CISD2: variants seen among roughly 807,000 people sequenced by gnomAD.
The protein encoded by CISD2 is CDGSH iron sulfur domain 2.
A neutral mutation model predicts 12.9 loss-of-function variants in CISD2; 1 was observed. That is an observed-to-expected ratio of 0.08 (90% CI 0.03 to 0.37). CISD2 has a LOEUF of 0.37. Ranked by LOEUF, CISD2 falls within the 10% of genes least tolerant of loss-of-function variation. CISD2 has a pLI of 0.99. For synonymous variants in CISD2, 50 were observed against 60.6 expected (o/e 0.83, Z 0.81); for missense variants, 97 against 163.1 (o/e 0.59, Z 2.21).
rs186883173 is a variant in CISD2 at position 102,878,319 on chromosome 4, C to T, written c.104-6897C>T. ...GCTAATTTTGTATTTTTAGTAGAGA[C>T]GGGGTTTCACCATGTTGGCCAGGAC... On this transcript the variant is annotated intron_variant, in intron 1 of 2. Transcript: ENST00000273986. Among the ~76,000 whole-genome samples the T allele has an allele frequency of 1.6e-4, 24 of 152,106 alleles. No individual in the cohort carries two copies. The South Asian group carries it at 3.9e-3, about 25-fold the overall frequency.
chr4:102,880,731 G>A (rs1321414256), intron 1 of CISD2, among the ~76,000 whole-genome samples: 5 of 151,708 alleles, frequency 3.3e-5, no homozygotes, highest in East Asian at 1.9e-4. Flanking sequence ...GGTGGCTCAC[G>A]CCTGTAATCC....
Position 102,873,350 on chromosome 4 carries a change from C to T in CISD2, c.103+4163C>T, listed in dbSNP as rs1417238845. ...TGGCATGATCTCTACCCACTCATTG[C>T]AGCCTTGACTTCACAAGCTCAAGCC... is the stretch of plus-strand genomic sequence containing the variant. On this transcript the variant is annotated intron_variant, in intron 1 of 2. Transcript: ENST00000273986. Among the ~76,000 whole-genome samples the T allele has an allele frequency of 2.0e-5, 3 of 152,200 alleles. No homozygotes were observed. In the East Asian group the frequency reaches 5.8e-4, roughly 29 times the overall value.
Position 102,884,959 on chromosome 4 carries a change from A to G in CISD2, c.104-257A>G, listed in dbSNP as rs1302536967. 2.1e-5 allele frequency: 9 copies of G among 435,172 alleles called. No homozygotes were observed. In the Admixed American group the frequency reaches 2.5e-4, roughly 12 times the overall value. 27.0% of individuals were successfully genotyped at this position (435,172 alleles called of 1,614,324 possible). On this transcript the variant is annotated intron_variant, in intron 1 of 2. Coordinates refer to ENST00000273986, the MANE Select transcript of CISD2 (RefSeq NM_001008388.5). ...AACACAAATAGACTTGATGTAGACA[A>G]TGAGATAGGATATTTGAAATGGAAC...
At chr4:102,870,813 C>G (rs1408551220) in intron 1 of CISD2, among the ~76,000 whole-genome samples, 5 of 151,802 alleles carry the variant, frequency 3.3e-5, no homozygotes, top group Non-Finnish European at 5.9e-5. Context: ...CAACTAAATA[C>G]TTATTTTAGT....
intron 1 of CISD2, among the ~76,000 whole-genome samples, chr4:102,875,829 G>A (rs749531677): frequency 6.6e-5 from 10 of 152,128 alleles, no homozygotes; most frequent in Non-Finnish European, 1.5e-4. Context: ...TACTTCATTC[G>A]TTTCTCCCAG....
chr4:102,876,209 T>C (rs979583362), intron 1 of CISD2, among the ~76,000 whole-genome samples: 3 of 152,160 alleles, frequency 2.0e-5, no homozygotes, highest in African/African-American at 7.2e-5. Context: ...TAAGTAAATA[T>C]TGTTGAACAA....
At position 102,869,195 on chromosome 4, in the gene CISD2, T is replaced by C; in HGVS notation, c.103+8T>C. The C allele has an allele frequency of 1.3e-6, 2 of 1,597,790 alleles. No homozygotes were observed. Among genetic ancestry groups the C allele is most frequent in the Non-Finnish European group, 1.7e-6 (2 of 1,172,390 alleles). On this transcript the variant is annotated splice_region_variant and intron_variant, in intron 1 of 2. Transcript: ENST00000273986. ...GGTTCGCTAGGCTCACAGGTAATCC[T>C]CCCCCATCAGCCAGTCCCCATCCTT...
In CISD2 at chr4:102,889,701, GCA is replaced by G. The variant is rs1281734171; in HGVS notation, c.*2274_*2275del. 1 of 152,076 alleles carries G rather than the reference GCA, an allele frequency of 6.6e-6. No individual in the cohort carries two copies. The highest frequency in any genetic ancestry group is 1.5e-5 in the Non-Finnish European group (1 of 68,004). The allele number at this position is 152,076 out of a possible 1,614,324, so 9.4% of individuals were successfully genotyped here. A position where few individuals can be genotyped will look rare whatever the true frequency, so the allele number is the denominator to read the frequency against. ...TATGCCCATATCTTTTCCCACCTGT[GCA>G]CATTTTTCAGAAGCGTAGGGTTGGT... On this transcript the variant is annotated 3_prime_UTR_variant, in exon 3 of 3. Transcript: ENST00000273986.
In CISD2 at chr4:102,869,497, C is replaced by T. The variant is rs1051760931; in HGVS notation, c.103+310C>T. The T allele has an allele frequency of 2.7e-5, 19 of 702,588 alleles. No individual in the cohort carries two copies. The African/African-American group carries it at 3.3e-4, about 12-fold the overall frequency. The allele number at this position is 702,588 out of a possible 1,614,324, so 43.5% of individuals were successfully genotyped here. A position where few individuals can be genotyped will look rare whatever the true frequency, so the allele number is the denominator to read the frequency against. On this transcript the variant is annotated intron_variant, in intron 1 of 2. Coordinates refer to ENST00000273986, the MANE Select transcript of CISD2 (RefSeq NM_001008388.5). ...AGGCCAGTCTCTTTCATCTCCTGTC[C>T]TGCTCATCGCTCTCTGTAGCGTACT...
chr4:102,869,222 C>T, intron 1 of CISD2, 35 bp downstream of exon 1: 1 of 1,578,212 alleles, frequency 6.3e-7, no homozygotes, highest in South Asian at 1.2e-5. Context: ...CCCATCCTTG[C>T]ACGTTCGCCA....
chr4:102,879,274 G>C (rs7670412), intron 1 of CISD2, among the ~76,000 whole-genome samples: 1 of 151,916 alleles, frequency 6.6e-6, no homozygotes, highest in East Asian at 1.9e-4. Flanking sequence ...AATTTTTATA[G>C]TAATAATTAT....
chr4:102,887,029 C>T (rs1578317320), intron 2 of CISD2, among the ~76,000 whole-genome samples: 1 of 152,232 alleles, frequency 6.6e-6, no homozygotes, highest in East Asian at 1.9e-4. Flanking sequence ...AATAGGTGAG[C>T]TCGAATTTTA....
At chr4:102,870,334 T>A (rs1310087708) in intron 1 of CISD2, among the ~76,000 whole-genome samples, 1 of 152,082 alleles carries the variant, frequency 6.6e-6, no homozygotes, top group African/African-American at 2.4e-5. Context: ...AAGAATGCTT[T>A]CCCCAAACAA....
intron 1 of CISD2, among the ~76,000 whole-genome samples, chr4:102,884,017 T>C (rs1392097543): frequency 6.6e-6 from 1 of 152,224 alleles, no homozygotes. Flanking sequence ...ATAATTCCAT[T>C]TTGGAAGAGT....
In CISD2 at chr4:102,885,433, A is replaced by G; in HGVS notation, c.318+3A>G. 6.2e-7 allele frequency: 1 copy of G among 1,612,184 alleles called. No homozygotes were observed. Among genetic ancestry groups the G allele is most frequent in the South Asian group, 1.1e-5 (1 of 90,956 alleles). On this transcript the variant is annotated splice_donor_region_variant and intron_variant, in intron 2 of 2. Coordinates refer to ENST00000273986, the MANE Select transcript of CISD2 (RefSeq NM_001008388.5). ...GTAGGTGTTGGCGTTCTAAAACGGT[A>G]AGATGTCTGTTTACGTGTACACTAA...
chr4:102,888,216 T>C lies in CISD2; in HGVS notation c.*786T>C, dbSNP rs1042030458. On this transcript the variant is annotated 3_prime_UTR_variant, in exon 3 of 3. Coordinates refer to ENST00000273986, the MANE Select transcript of CISD2 (RefSeq NM_001008388.5). ...AATTCATATTAAAATAGTTCAGTGT[T>C]CAAAATTGTGTTTATGTGGATATTT... 5.3e-5 allele frequency: 8 copies of C among 152,346 alleles called. No individual in the cohort carries two copies. Among genetic ancestry groups the C allele is most frequent in the African/African-American group, 1.9e-4 (8 of 41,570 alleles). The allele number at this position is 152,346 out of a possible 1,614,324, so 9.4% of individuals were successfully genotyped here.
At position 102,888,767 on chromosome 4, in the gene CISD2, GCCT is replaced by G. The variant is rs1734071967; in HGVS notation, c.*1339_*1341del. The G allele has an allele frequency of 6.6e-6, 1 of 152,240 alleles. No homozygotes were observed. The highest frequency in any genetic ancestry group is 6.5e-5 in the Admixed American group (1 of 15,286). The allele number at this position is 152,240 out of a possible 1,614,324, so 9.4% of individuals were successfully genotyped here. A position where few individuals can be genotyped will look rare whatever the true frequency, so the allele number is the denominator to read the frequency against. ...GCCAGGCTGGGCAACCTAGTGCTCC[GCCT>G]CTGCTGGGCTCTGTAGGGAATCCTT... On this transcript the variant is annotated 3_prime_UTR_variant, in exon 3 of 3. Transcript: ENST00000273986.
At chr4:102,879,936 ATTTTTTATT>A (rs1733676246) in intron 1 of CISD2, among the ~76,000 whole-genome samples, 1 of 151,732 alleles carries the variant, frequency 6.6e-6, no homozygotes, top group Non-Finnish European at 1.5e-5. Context: ...TTTTTCTTTT[ATTTTTTATT>A]TTTTTTATTT....
At chr4:102,885,174 T>C (rs1733842416) in intron 1 of CISD2, 42 bp from the exon 2 acceptor site, 11 of 1,499,736 alleles carry the variant, frequency 7.3e-6, no homozygotes, top group Non-Finnish European at 1.0e-5. Context: ...TTTGAATTCT[T>C]TTCCAAGAGC....
Sources: allele counts gnomAD v4.1 joint callset (sites outside exome capture counted in the v4.1 genomes callset), GRCh38; gene constraint gnomAD v4.1.1; transcripts MANE v1.5; gene names NCBI Gene and HGNC (gene_info 2026-07-23, HGNC 2026-07-21).